KLHL25: variants seen among roughly 807,000 people sequenced by gnomAD.
KLHL25 encodes the protein kelch-like protein 25.
Under a neutral mutation model 30.0 loss-of-function variants are expected in KLHL25, and 41 were observed. That is an observed-to-expected ratio of 1.37 (90% CI 1.07 to 1.78). The LOEUF is 1.78. Among genes scored for constraint, KLHL25 ranks in the 40% most tolerant of loss-of-function variants. KLHL25 has a pLI of 0.00. For missense variants in KLHL25, 971 were observed against 824.5 expected, an observed-to-expected ratio of 1.18 and a Z score of -2.18; for synonymous variants, 399 against 355.3, an observed-to-expected ratio of 1.12 and a Z score of -1.38.
intron 1 of KLHL25, among the ~76,000 whole-genome samples, chr15:85,784,092 A>G (rs2089763314): frequency 6.6e-6 from 1 of 152,226 alleles, no homozygotes; most frequent in Non-Finnish European, 1.5e-5. Flanking sequence ...ATGGATGTCG[A>G]CCTGATTCCT....
Position 85,782,039 on chromosome 15 carries a change from C to G in KLHL25, c.-10-12219G>C, listed in dbSNP as rs1434658923. On this transcript the variant is annotated intron_variant, in intron 1 of 2. Coordinates refer to ENST00000337975, the MANE Select transcript of KLHL25 (RefSeq NM_022480.4). ...AGCCTTCTCTCACCCACAGGACCAC[C>G]TCATCCTTCTCCAAAAAAAAAAAGA... is the stretch of plus-strand genomic sequence containing the variant. 2.0e-5 allele frequency among the ~76,000 whole-genome samples: 3 copies of G among 151,850 alleles called. No homozygotes were observed. The East Asian group carries it at 5.8e-4, about 29-fold the overall frequency.
chr15:85,793,176 C>T (rs934725814), intron 1 of KLHL25, among the ~76,000 whole-genome samples: 1 of 149,474 alleles, frequency 6.7e-6, no homozygotes, highest in Non-Finnish European at 1.5e-5. Context: ...AGATTTAAAA[C>T]GCTATTAAGG....
At chr15:85,763,494 C>G (rs543042719) in intron 2 of KLHL25, 1 of 152,454 alleles carries the variant, frequency 6.6e-6, no homozygotes, top group East Asian at 1.9e-4. Context: ...ACAAACAGCT[C>G]TGGAGAATGA....
intron 1 of KLHL25, among the ~76,000 whole-genome samples, chr15:85,782,670 T>C (rs189771180): frequency 1.3e-5 from 2 of 152,256 alleles, no homozygotes; most frequent in Non-Finnish European, 2.9e-5. Flanking sequence ...ATGCAGTAAG[T>C]ACACTGAAAT....
At chr15:85,786,188 T>C (rs1321132817) in intron 1 of KLHL25, among the ~76,000 whole-genome samples, 1 of 152,154 alleles carries the variant, frequency 6.6e-6, no homozygotes, top group African/African-American at 2.4e-5. Context: ...CATTGTCCCC[T>C]TGGTTACCCT....
intron 1 of KLHL25, among the ~76,000 whole-genome samples, chr15:85,792,572 T>G (rs1013158849): frequency 6.6e-6 from 1 of 152,094 alleles, no homozygotes; most frequent in Non-Finnish European, 1.5e-5. Flanking sequence ...CCAGAAGCCA[T>G]CCAGCTTCCT....
intron 1 of KLHL25, among the ~76,000 whole-genome samples, chr15:85,781,418 C>G (rs1364279738): frequency 3.3e-5 from 5 of 152,234 alleles, no homozygotes; most frequent in African/African-American, 9.6e-5. Context: ...CTTGTGGACT[C>G]TCCACCAAGA....
chr15:85,793,216 G>A (rs1597284075), intron 1 of KLHL25, among the ~76,000 whole-genome samples: 1 of 152,174 alleles, frequency 6.6e-6, no homozygotes, highest in East Asian at 1.9e-4. Context: ...TGCTTCCGAT[G>A]TGGAGCATGC....
chr15:85,770,162 G>A (rs943180823), intron 1 of KLHL25, among the ~76,000 whole-genome samples: 5 of 152,222 alleles, frequency 3.3e-5, no homozygotes, highest in African/African-American at 1.2e-4. Context: ...ACTGAGGCTG[G>A]TGTCCGGGCA....
chr15:85,776,316 C>T (rs1438062100), intron 1 of KLHL25, among the ~76,000 whole-genome samples: 2 of 152,050 alleles, frequency 1.3e-5, no homozygotes, highest in South Asian at 2.1e-4. Context: ...TGGTGAAACC[C>T]CATCTCTACT....
chr15:85,780,612 C>T (rs1421382859), intron 1 of KLHL25, among the ~76,000 whole-genome samples: 4 of 152,236 alleles, frequency 2.6e-5, no homozygotes, highest in Non-Finnish European at 4.4e-5. Flanking sequence ...AAATGCCAAG[C>T]ACTGGCCACT....
At chr15:85,776,281 G>C (rs1055546616) in intron 1 of KLHL25, among the ~76,000 whole-genome samples, 1 of 152,036 alleles carries the variant, frequency 6.6e-6, no homozygotes, top group African/African-American at 2.4e-5. Flanking sequence ...CTGAGGTCAG[G>C]AGTTGGAGAC....
intron 1 of KLHL25, among the ~76,000 whole-genome samples, chr15:85,776,978 G>T (rs895923052): frequency 2.6e-5 from 4 of 152,094 alleles, no homozygotes; most frequent in African/African-American, 9.7e-5. Flanking sequence ...TTGCAGTGAA[G>T]CCACAAGAAT....
At chr15:85,786,797 G>A (rs1046454211) in intron 1 of KLHL25, among the ~76,000 whole-genome samples, 2 of 152,200 alleles carry the variant, frequency 1.3e-5, no homozygotes, top group African/African-American at 4.8e-5. Context: ...TCACTCAAAT[G>A]TTCCAGATAT....
intron 1 of KLHL25, among the ~76,000 whole-genome samples, chr15:85,775,332 T>C (rs2089702757): frequency 6.6e-6 from 1 of 152,128 alleles, no homozygotes; most frequent in South Asian, 2.1e-4. Context: ...GAGAGGAAAA[T>C]GCAGCTGAAA....
At chr15:85,787,307 G>A (rs1043228565) in intron 1 of KLHL25, among the ~76,000 whole-genome samples, 2 of 152,130 alleles carry the variant, frequency 1.3e-5, no homozygotes, top group Non-Finnish European at 2.9e-5. Flanking sequence ...TTAGCTGGGC[G>A]TGGTGGCGCT....
intron 1 of KLHL25, among the ~76,000 whole-genome samples, chr15:85,791,645 CAG>C (rs949120025): frequency 6.6e-6 from 1 of 150,904 alleles, no homozygotes; most frequent in African/African-American, 2.4e-5. Flanking sequence ...ACTGGGGACT[CAG>C]GGGAGGGCTG....
At position 85,782,827 on chromosome 15, in the gene KLHL25, G is replaced by C. The variant is rs186939174; in HGVS notation, c.-11+11939C>G. On this transcript the variant is annotated intron_variant, in intron 1 of 2. Transcript: ENST00000337975. ...CACGGTAGCCTTTCTTCTACTGCTG[G>C]ACAGCACTGTTCACTCCTCAGGTCA... is the stretch of plus-strand genomic sequence containing the variant. 2.0e-4 allele frequency among the ~76,000 whole-genome samples: 31 copies of C among 152,230 alleles called. No individual in the cohort carries two copies. The East Asian group carries it at 5.4e-3, about 27-fold the overall frequency.
At chr15:85,765,077 G>C (rs1000016188) in intron 2 of KLHL25, among the ~76,000 whole-genome samples, 1 of 152,174 alleles carries the variant, frequency 6.6e-6, no homozygotes, top group African/African-American at 2.4e-5. Flanking sequence ...GGCAGCCTCT[G>C]GTCTGGAGGC....
Sources: gnomAD v4.1 joint callset for allele counts (sites outside exome capture counted in the v4.1 genomes callset) on GRCh38, gnomAD v4.1.1 for gene constraint, MANE v1.5 for transcripts, NCBI Gene and HGNC (gene_info 2026-07-23, HGNC 2026-07-21) for gene names.